NPAT: variants seen among roughly 807,000 people sequenced by gnomAD.
NPAT encodes the protein nuclear protein, coactivator of histone transcription, also known as protein NPAT.
In NPAT, 52 loss-of-function variants were observed where a neutral mutation model predicts 130.7. The observed-to-expected ratio is 0.40, with a 90% CI of 0.32 to 0.50. The LOEUF (loss-of-function observed/expected upper bound fraction) is 0.50, where lower values mean the gene tolerates loss of function less well. Among genes scored for constraint, NPAT ranks in the 20% least tolerant of loss-of-function variants. NPAT has a pLI of 0.68. For synonymous variants in NPAT, 580 were observed against 584.8 expected, an observed-to-expected ratio of 0.99 and a Z score of 0.12; for missense variants, 1,687 against 1,662.6, an observed-to-expected ratio of 1.01 and a Z score of -0.26.
intron 1 of NPAT, among the ~76,000 whole-genome samples, chr11:108,222,268 TC>T (rs1479940906): frequency 6.6e-6 from 1 of 152,000 alleles, no homozygotes; most frequent in Admixed American, 6.6e-5. Flanking sequence ...ACCCCGAGCT[TC>T]CCCTCGGGCT....
intron 8 of NPAT, among the ~76,000 whole-genome samples, chr11:108,186,054 T>A (rs952392538): frequency 6.6e-6 from 1 of 151,860 alleles, no homozygotes; most frequent in South Asian, 2.1e-4. Context: ...TCTGACTCTG[T>A]CACCCAGGCT....
At chr11:108,185,103 AT>A (rs2078093512) in intron 10 of NPAT, 128 bp downstream of exon 10, 2 of 732,876 alleles carry the variant, frequency 2.7e-6, no homozygotes, top group South Asian at 3.1e-5. Context: ...ATTGTAAATC[AT>A]TTTATCTAAT....
rs754962954 is a variant in NPAT, at chr11:108,176,962, T to G, written c.1003+32A>C. The G allele has an allele frequency of 3.5e-6, 5 of 1,416,058 alleles. No individual in the cohort carries two copies. The African/African-American group carries it at 7.0e-5, about 20-fold the overall frequency. 87.7% of individuals were successfully genotyped at this position (1,416,058 alleles called of 1,614,324 possible). A position where few individuals can be genotyped will look rare whatever the true frequency, so the allele number is the denominator to read the frequency against. Reference sequence around the variant, plus strand: ...TACCAAAGAAATTGTAGAAGCCTTTTTTTTCTGTCTTGAAATAAATAGTCT... The same window carrying G: ...TACCAAAGAAATTGTAGAAGCCTTTGTTTTCTGTCTTGAAATAAATAGTCT... On this transcript the variant is annotated intron_variant, in intron 11 of 17. Transcript: ENST00000278612.
At chr11:108,170,736 T>A (rs757885610) in intron 13 of NPAT, among the ~76,000 whole-genome samples, 1 of 152,232 alleles carries the variant, frequency 6.6e-6, no homozygotes, top group Non-Finnish European at 1.5e-5. Flanking sequence ...CTTCTCTTTA[T>A]AACTTACAGA....
intron 6 of NPAT, among the ~76,000 whole-genome samples, 170 bp from the exon 7 acceptor site, chr11:108,188,349 C>A (rs1361322915): frequency 6.6e-6 from 1 of 152,164 alleles, no homozygotes; most frequent in Admixed American, 6.5e-5. Flanking sequence ...TAATAAAATA[C>A]AGTCTTTATG....
At chr11:108,178,876 C>T (rs534297774) in intron 10 of NPAT, among the ~76,000 whole-genome samples, 1 of 152,116 alleles carries the variant, frequency 6.6e-6, no homozygotes, top group Admixed American at 6.6e-5. Context: ...AAAACAAAAA[C>T]AAAATTCCTA....
In NPAT at chr11:108,192,187, G is replaced by C; in HGVS notation, c.221C>G (p.Thr74Arg). Residue 74 changes from threonine (T) to arginine (R), a missense_variant, in exon 4 of 18, where the codon ACA becomes AGA. Physicochemically the swap from Thr to Arg is moderately conservative, Grantham distance 71 (BLOSUM62 -1). This residue lies in a region of NPAT where 307 missense variants were observed against 298.9 expected (regional missense o/e 1.03). Transcript: ENST00000278612. Reference protein sequence around the residue: ...NEYVAMKTKETSNNVPAIMSS... With the variant: ...NEYVAMKTKERSNNVPAIMSS... The stretch of plus-strand genomic sequence containing the variant: ...CATTATTGCTGGGACATTATTTGAT[G>C]TTTCTAAATCATAGGAGAAAAGGTT... 1 of 1,596,194 alleles carries C rather than the reference G, an allele frequency of 6.3e-7. No individual in the cohort carries two copies. The highest frequency in any genetic ancestry group is 8.6e-7 in the Non-Finnish European group (1 of 1,163,926).
At chr11:108,192,342 A>G in intron 3 of NPAT, 152 bp from the exon 4 acceptor site, 1 of 675,418 alleles carries the variant, frequency 1.5e-6, no homozygotes, top group Non-Finnish European at 2.7e-6. Flanking sequence ...TAGCTTGCAA[A>G]GCTATAATGC....
intron 1 of NPAT, among the ~76,000 whole-genome samples, chr11:108,199,307 G>A (rs889314654): frequency 3.3e-5 from 5 of 152,212 alleles, no homozygotes; most frequent in African/African-American, 4.8e-5. Context: ...GACCAGCTGC[G>A]GGGCTTAATG....
chr11:108,211,022 C>A (rs552049439), intron 1 of NPAT, among the ~76,000 whole-genome samples: 3 of 151,644 alleles, frequency 2.0e-5, no homozygotes, highest in Admixed American at 6.6e-5. Context: ...AGATTGAGAC[C>A]ATCCTGGCCA....
chr11:108,185,575 A>C (rs965040246), intron 8 of NPAT, 81 bp from the exon 9 acceptor site: 1 of 944,418 alleles, frequency 1.1e-6, no homozygotes, highest in African/African-American at 1.6e-5. Flanking sequence ...GAACAAACCG[A>C]TAAGAGCTGG....
rs545415801 is a variant in NPAT at position 108,190,764 on chromosome 11, T to C, written c.291-264A>G. Among the ~76,000 whole-genome samples the C allele has an allele frequency of 3.9e-5, 6 of 152,342 alleles. No homozygotes were observed. In the East Asian group the frequency reaches 7.7e-4, roughly 20 times the overall value. On this transcript the variant is annotated intron_variant, in intron 4 of 17. Coordinates refer to ENST00000278612, the MANE Select transcript of NPAT (RefSeq NM_002519.3). ...CAATGTAATAATGCATTAGAGTGCC[T>C]TGACATTACGTTAAGAATGCAATCT...
intron 5 of NPAT, among the ~76,000 whole-genome samples, chr11:108,189,879 A>C (rs963764435): frequency 9.9e-5 from 15 of 151,562 alleles, no homozygotes; most frequent in African/African-American, 3.1e-4. Context: ...CAAAAAAAAA[A>C]AAAAACAAAA....
chr11:108,202,709 C>T (rs554565552), intron 1 of NPAT, among the ~76,000 whole-genome samples: 2 of 152,228 alleles, frequency 1.3e-5, no homozygotes, highest in South Asian at 4.1e-4. Context: ...CATCTTCTCC[C>T]TTCTGGAACC....
At chr11:108,175,191 C>A (rs1330661659) in intron 12 of NPAT, among the ~76,000 whole-genome samples, 1 of 152,078 alleles carries the variant, frequency 6.6e-6, no homozygotes, top group Non-Finnish European at 1.5e-5. Context: ...TATAACTGTC[C>A]CATTTTATTA....
intron 10 of NPAT, among the ~76,000 whole-genome samples, chr11:108,177,848 G>A (rs2078023733): frequency 6.6e-6 from 1 of 152,098 alleles, no homozygotes; most frequent in African/African-American, 2.4e-5. Context: ...AGCCTTCTGA[G>A]TAGCTGAAAC....
At position 108,161,389 on chromosome 11, in the gene NPAT, C is replaced by T; in HGVS notation, c.3697G>A (p.Glu1233Lys). The T allele has an allele frequency of 6.2e-7, 1 of 1,614,122 alleles. No homozygotes were observed. The highest frequency in any genetic ancestry group is 1.6e-4 in the Middle Eastern group (1 of 6,062). Residue 1233 changes from glutamate to lysine, a missense_variant, in exon 17 of 18, where the codon GAA (glutamate) becomes AAA (lysine). Transcript: ENST00000278612. Reference protein sequence around the residue: ...VGTAVKDLKQEQTKSASSLIT... With the variant: ...VGTAVKDLKQKQTKSASSLIT... ...AAAGAACTGGCGGATTTAGTTTGTT[C>T]TTGTTTTAGATCCTTCACAGCTGTA...
In NPAT at chr11:108,190,562, TTTAG is replaced by T. The variant is rs143621069; in HGVS notation, c.291-66_291-63del. On this transcript the variant is annotated intron_variant, in intron 4 of 17. Transcript: ENST00000278612. ...TGTTTGTTGCTGACATCCACTATGA[TTTAG>T]TTACAGTCAGACCTCAAGTTAGTTA... The T allele has an allele frequency of 2.5e-3, 3,673 of 1,443,412 alleles. 83 individuals are homozygous for T. The African/African-American group carries it at 0.044, about 17-fold the overall frequency. 89.4% of individuals were successfully genotyped at this position (1,443,412 alleles called of 1,614,324 possible).
At chr11:108,169,904 C>G (rs1388381904) in intron 14 of NPAT, 24 bp downstream of exon 14, 1 of 1,608,708 alleles carries the variant, frequency 6.2e-7, no homozygotes, top group Admixed American at 1.7e-5. Flanking sequence ...CATCACCACA[C>G]CATTTTCAGT....
Sources: allele counts gnomAD v4.1 joint callset (sites outside exome capture counted in the v4.1 genomes callset), GRCh38; gene constraint gnomAD v4.1.1; regional missense constraint gnomAD v4.1.1; transcripts MANE v1.5; gene names NCBI Gene and HGNC (gene_info 2026-07-23, HGNC 2026-07-21).